The following FSD1 variants were observed in gnomAD, a reference collection of about 807,000 sequenced individuals.
FSD1 encodes the protein fibronectin type III and SPRY domain containing 1, also known as fibronectin type III and SPRY domain-containing protein 1.
FSD1 carries 23 observed loss-of-function variants against 58.2 expected under a neutral mutation model. The ratio of observed to expected loss-of-function variants is 0.40; its 90% CI spans 0.28 to 0.56. The LOEUF (loss-of-function observed/expected upper bound fraction) is 0.56. Among genes scored for constraint, FSD1 ranks in the 20% least tolerant of loss-of-function variants. The probability of loss-of-function intolerance (pLI) is 0.54; values close to 1 mark genes in which losing one functional copy is unlikely to be tolerated. For synonymous variants in FSD1, 265 were observed against 263.4 expected, an observed-to-expected ratio of 1.01 and a Z score of -0.06; for missense variants, 563 against 670.8, an observed-to-expected ratio of 0.84 and a Z score of 1.78.
chr19:4,314,112 C>T (rs907840095), intron 7 of FSD1, among the ~76,000 whole-genome samples: 4 of 152,014 alleles, frequency 2.6e-5, no homozygotes, highest in Non-Finnish European at 2.9e-5. Context: ...GTTTAACTAT[C>T]ACCATTCACT....
chr19:4,310,926 C>T (rs1350907552), intron 6 of FSD1: 1 of 219,030 alleles, frequency 4.6e-6, no homozygotes, highest in Non-Finnish European at 9.3e-6. Flanking sequence ...ATGAGAAGGT[C>T]AAACTCACCA....
At chr19:4,305,794 G>A in intron 1 of FSD1, 152 bp from the exon 2 acceptor site, 2 of 662,446 alleles carry the variant, frequency 3.0e-6, no homozygotes. Flanking sequence ...GTGTGTGTGT[G>A]CGCATGTGTG....
At position 4,323,486 on chromosome 19, in the gene FSD1, T is replaced by C. The variant is rs538676609; in HGVS notation, c.1381-47T>C. On this transcript the variant is annotated intron_variant, in intron 12 of 12. Coordinates refer to ENST00000221856, the MANE Select transcript of FSD1 (RefSeq NM_024333.3). The surrounding 1 kb of genome is among the most constrained non-coding windows in gnomAD (Gnocchi z 7.7). The stretch of plus-strand genomic sequence containing the variant: ...GGGAGGAGAGGGTGGTGCTGGGCGC[T>C]GGGGTTTGAAGCTGAGCCCCTCCCC... 1.3e-6 allele frequency: 2 copies of C among 1,596,666 alleles called. No individual in the cohort carries two copies. Among genetic ancestry groups the C allele is most frequent in the South Asian group, 2.2e-5 (2 of 90,380 alleles).
In FSD1 at chr19:4,323,460, G is replaced by T. The variant is rs747036582; in HGVS notation, c.1380+24G>T. ...CGGTGAGCTGCCCTCCGCGGCCCAGGGGGAGGAGAGGGTGGTGCTGGGCGC... is the reference window on the plus strand; with the variant it reads ...CGGTGAGCTGCCCTCCGCGGCCCAGTGGGAGGAGAGGGTGGTGCTGGGCGC... On this transcript the variant is annotated intron_variant, in intron 12 of 12. Transcript: ENST00000221856. This position sits in a 1 kb window ranked among gnomAD's most constrained non-coding sequence, Gnocchi z 7.7. The T allele has an allele frequency of 2.5e-6, 4 of 1,607,196 alleles. No homozygotes were observed. Among genetic ancestry groups the T allele is most frequent in the East Asian group, 4.5e-5 (2 of 44,722 alleles).
intron 6 of FSD1, chr19:4,311,318 G>C (rs1971688511): frequency 6.3e-6 from 1 of 158,332 alleles, no homozygotes; most frequent in Admixed American, 6.0e-5. Context: ...AGAGATTTTG[G>C]AATAATTCTG....
At chr19:4,312,110 C>T (rs1267548104) in intron 7 of FSD1, 59 bp downstream of exon 7, 10 of 1,413,648 alleles carry the variant, frequency 7.1e-6, no homozygotes, top group South Asian at 2.5e-5. Flanking sequence ...TCCAGCCTCC[C>T]GTCTCGCCAT....
chr19:4,320,380 C>G (rs1971800712), intron 10 of FSD1, among the ~76,000 whole-genome samples: 1 of 152,002 alleles, frequency 6.6e-6, no homozygotes, highest in Admixed American at 6.6e-5. Context: ...CTAGGGGGAG[C>G]ATCTGGACTC....
intron 1 of FSD1, among the ~76,000 whole-genome samples, chr19:4,305,360 C>T (rs1971606981): frequency 6.6e-6 from 1 of 151,908 alleles, no homozygotes; most frequent in African/African-American, 2.4e-5. Flanking sequence ...GAGGCTAGCC[C>T]CTATCCCAGG....
chr19:4,317,256 G>C lies in FSD1; in HGVS notation c.775G>C (p.Glu259Gln), dbSNP rs1336153843. The change falls in exon 8 of 13, where the codon GAG becomes CAG. Residue 259 changes from glutamate (E) to glutamine (Q), a missense_variant. By Grantham distance (29) the Glu-to-Gln change is conservative. Coordinates refer to ENST00000221856, the MANE Select transcript of FSD1 (RefSeq NM_024333.3). ...CNKAVAGEFS[E>Q]PVTLETPAFM... Reference sequence around the variant, plus strand: ...CAAGGCAGTTGCAGGAGAGTTCTCTGAGCCGGTGACTCTGGAGACACCAGG... The same window carrying C: ...CAAGGCAGTTGCAGGAGAGTTCTCTCAGCCGGTGACTCTGGAGACACCAGG... 4 of 1,610,958 alleles carry C rather than the reference G, an allele frequency of 2.5e-6. No homozygotes were observed. In the East Asian group the frequency reaches 8.9e-5, roughly 36 times the overall value.
chr19:4,305,301 C>A (rs908664848), intron 1 of FSD1, among the ~76,000 whole-genome samples: 2 of 150,368 alleles, frequency 1.3e-5, no homozygotes, highest in East Asian at 2.0e-4. Flanking sequence ...CAGGTAATTT[C>A]TTTCTCCTTG....
intron 10 of FSD1, among the ~76,000 whole-genome samples, chr19:4,322,309 G>T (rs1971702906): frequency 6.8e-6 from 1 of 147,280 alleles, no homozygotes; most frequent in South Asian, 2.2e-4. Flanking sequence ...GGAGTATCTG[G>T]GGGGGCGGAT....
chr19:4,315,637 G>A (rs1251934309), intron 7 of FSD1, among the ~76,000 whole-genome samples: 3 of 110,760 alleles, frequency 2.7e-5, no homozygotes, highest in African/African-American at 1.1e-4. Flanking sequence ...TTGAGTTGCA[G>A]TCTCGCTCTG....
At position 4,305,963 on chromosome 19, in the gene FSD1, C is replaced by G. The variant is rs759497212; in HGVS notation, c.33C>G (p.Ile11Met). The G allele has an allele frequency of 1.9e-6, 3 of 1,613,982 alleles. No homozygotes were observed. The highest frequency in any genetic ancestry group is 1.6e-4 in the Middle Eastern group (1 of 6,062). The change falls in exon 2 of 13, where the codon ATC becomes ATG. Residue 11 changes from isoleucine to methionine, a missense_variant. Ile to Met is a conservative substitution (Grantham distance 10, BLOSUM62 1). Transcript: ENST00000221856. The stretch of plus-strand genomic sequence containing the variant: ...TGGTGCAGGAGGCCCTGAGGAAGAT[C>G]ATCAAAACACTGGCTGTGAAGAATG... MEEQREALRKIIKTLAVKNEE... is the reference protein window; with the variant it reads MEEQREALRKMIKTLAVKNEE...
At chr19:4,313,641 C>G (rs1395738055) in intron 7 of FSD1, among the ~76,000 whole-genome samples, 1 of 151,542 alleles carries the variant, frequency 6.6e-6, no homozygotes, top group Admixed American at 6.6e-5. Flanking sequence ...TTGCTTGAAC[C>G]CAGGAAGCAG....
intron 10 of FSD1, among the ~76,000 whole-genome samples, chr19:4,320,667 A>T (rs1402101901): frequency 6.6e-6 from 1 of 151,752 alleles, no homozygotes; most frequent in African/African-American, 2.4e-5. Context: ...ATCAAGGAAT[A>T]TCTGGAGGGA....
intron 6 of FSD1, chr19:4,311,554 C>G: frequency 2.8e-6 from 1 of 357,052 alleles, no homozygotes; most frequent in Non-Finnish European, 5.3e-6. Flanking sequence ...CATGGTGGCT[C>G]ACGACTGTAA....
At chr19:4,310,401 G>A in intron 5 of FSD1, 74 bp from the exon 6 acceptor site, 4 of 1,605,044 alleles carry the variant, frequency 2.5e-6, no homozygotes, top group Non-Finnish European at 3.4e-6. Context: ...CGGGAGCCCT[G>A]GGGAGGGGCC....
chr19:4,315,127 T>C (rs765047978), intron 7 of FSD1, among the ~76,000 whole-genome samples: 36 of 148,686 alleles, frequency 2.4e-4, no homozygotes, highest in Non-Finnish European at 4.7e-4. Context: ...TTCCCTTTTT[T>C]CTTTTTTCTT....
intron 6 of FSD1, chr19:4,311,634 A>C: frequency 3.7e-6 from 2 of 539,072 alleles, no homozygotes; most frequent in Non-Finnish European, 6.7e-6. Flanking sequence ...CAGTGAGCCA[A>C]GATCGTGCCA....
Sources: gnomAD v4.1 joint callset for allele counts (sites outside exome capture counted in the v4.1 genomes callset) on GRCh38, gnomAD v4.1.1 for gene constraint, Gnocchi (gnomAD v3.1) non-coding constraint, MANE v1.5 for transcripts, NCBI Gene and HGNC (gene_info 2026-07-23, HGNC 2026-07-21) for gene names.